The following PICALM variants were observed in gnomAD, a reference collection of about 807,000 sequenced individuals.
PICALM encodes phosphatidylinositol binding clathrin assembly protein.
In PICALM, 40 loss-of-function variants were observed where a neutral mutation model predicts 80.5. The ratio of observed to expected loss-of-function variants is 0.50; its 90% confidence interval spans 0.39 to 0.65. The LOEUF is 0.65. Among genes scored for constraint, PICALM ranks in the 30% least tolerant of loss-of-function variants. The pLI is 0.00. For missense variants in PICALM, 676 were observed against 778.9 expected, an observed-to-expected ratio of 0.87 and a Z score of 1.57; for synonymous variants, 288 against 260.3, an observed-to-expected ratio of 1.11 and a Z score of -1.02.
chr11:85,980,519 A>G (rs1257434614), intron 17 of PICALM, among the ~76,000 whole-genome samples: 1 of 152,220 alleles, frequency 6.6e-6, no homozygotes, highest in African/African-American at 2.4e-5. Context: ...TGACTTAAGT[A>G]CTTAACTGCC....
At chr11:85,998,415 T>G (rs2136053215) in intron 11 of PICALM, among the ~76,000 whole-genome samples, 1 of 151,772 alleles carries the variant, frequency 6.6e-6, no homozygotes, top group African/African-American at 2.4e-5. Context: ...CCGGCCGACT[T>G]CTATGTGATT....
chr11:86,032,500 T>C (rs933170252), intron 1 of PICALM, among the ~76,000 whole-genome samples: 6 of 151,970 alleles, frequency 3.9e-5, no homozygotes, highest in African/African-American at 1.4e-4. Context: ...GTGGCGGGCA[T>C]GGGTAATCCC....
At chr11:85,976,764 C>T in intron 17 of PICALM, 82 bp from the exon 18 acceptor site, 2 of 800,276 alleles carry the variant, frequency 2.5e-6, no homozygotes, top group Middle Eastern at 4.5e-4. Flanking sequence ...AGCTGTAGTT[C>T]CACTAAAAAG....
intron 1 of PICALM, among the ~76,000 whole-genome samples, chr11:86,036,083 CA>C (rs1189725934): frequency 6.6e-6 from 1 of 150,892 alleles, no homozygotes; most frequent in Non-Finnish European, 1.5e-5. Flanking sequence ...GGAGTAGAAA[CA>C]AAAAGCATAT....
intron 1 of PICALM, among the ~76,000 whole-genome samples, chr11:86,065,899 C>T (rs976118765): frequency 3.3e-5 from 5 of 152,072 alleles, no homozygotes; most frequent in Non-Finnish European, 7.4e-5. Context: ...TGACAGAAAC[C>T]ACCTCCACAC....
intron 19 of PICALM, among the ~76,000 whole-genome samples, chr11:85,963,205 T>C (rs557022767): frequency 6.6e-6 from 1 of 152,334 alleles, no homozygotes; most frequent in East Asian, 1.9e-4. Context: ...AACCAAAAGC[T>C]GTTGCTTTCA....
chr11:86,041,203 ATATT>A (rs1346866950), intron 1 of PICALM, among the ~76,000 whole-genome samples: 2 of 152,200 alleles, frequency 1.3e-5, no homozygotes, highest in African/African-American at 4.8e-5. Context: ...TACACCTTAA[ATATT>A]TATTAAATTA....
intron 3 of PICALM, among the ~76,000 whole-genome samples, chr11:86,025,975 G>C (rs543565954): frequency 1.1e-3 from 170 of 152,252 alleles, no homozygotes; most frequent in South Asian, 5.4e-3. Flanking sequence ...CGATTCTACT[G>C]ATGCAGAGGT....
intron 4 of PICALM, among the ~76,000 whole-genome samples, chr11:86,020,153 T>C (rs535623138): frequency 3.3e-5 from 5 of 152,120 alleles, no homozygotes; most frequent in African/African-American, 9.6e-5. Flanking sequence ...GCAGCAAAAA[T>C]TAAATGCATC....
At chr11:86,043,186 G>A (rs1168955648) in intron 1 of PICALM, among the ~76,000 whole-genome samples, 1 of 152,148 alleles carries the variant, frequency 6.6e-6, no homozygotes, top group Non-Finnish European at 1.5e-5. Context: ...ACTACCAGTA[G>A]CAGCTATTCA....
intron 1 of PICALM, among the ~76,000 whole-genome samples, chr11:86,048,026 G>A (rs1339271172): frequency 6.6e-6 from 1 of 151,982 alleles, no homozygotes; most frequent in African/African-American, 2.4e-5. Context: ...TCCTGAACTC[G>A]GGAGGCAGAG....
At chr11:86,016,840 A>C (rs1187364957) in intron 4 of PICALM, among the ~76,000 whole-genome samples, 1 of 152,116 alleles carries the variant, frequency 6.6e-6, no homozygotes, top group Non-Finnish European at 1.5e-5. Flanking sequence ...TCAGCTCTTA[A>C]CTCCCAAAAT....
At chr11:85,969,577 T>A in intron 19 of PICALM, 1 of 298,696 alleles carries the variant, frequency 3.3e-6, no homozygotes, top group Non-Finnish European at 6.8e-6. Flanking sequence ...ATCTTTTGGT[T>A]TCGGCTAGCA....
At chr11:85,998,687 G>C (rs886756806) in intron 11 of PICALM, among the ~76,000 whole-genome samples, 1 of 152,130 alleles carries the variant, frequency 6.6e-6, no homozygotes, top group Non-Finnish European at 1.5e-5. Context: ...CTAAGGCAGA[G>C]GGAATGCTTG....
intron 1 of PICALM, among the ~76,000 whole-genome samples, chr11:86,054,178 G>A (rs2096235376): frequency 1.3e-5 from 2 of 152,078 alleles, no homozygotes; most frequent in Admixed American, 6.5e-5. Flanking sequence ...AACAACATTC[G>A]GAGGTCCAAT....
chr11:86,049,876 C>A (rs1321190435), intron 1 of PICALM, among the ~76,000 whole-genome samples: 3 of 150,570 alleles, frequency 2.0e-5, no homozygotes, highest in African/African-American at 4.9e-5. Flanking sequence ...CTAGGTAAAA[C>A]TACATATTGG....
chr11:86,011,222 A>T (rs758317962), intron 6 of PICALM, 86 bp from the exon 7 acceptor site: 46 of 631,662 alleles, frequency 7.3e-5, no homozygotes, highest in Middle Eastern at 4.3e-4. Flanking sequence ...ATAGCTCCAA[A>T]TAGGTCTCTA....
chr11:85,982,423 CT>C lies in PICALM; in HGVS notation c.1517-421del, dbSNP rs59672357. ...ACGTTAAGAAATAAGATTTTATAGA[CT>C]TTTTTTTTTTTTTTGAGACGGAGTC... On this transcript the variant is annotated intron_variant, in intron 14 of 19. Coordinates refer to ENST00000393346, the MANE Select transcript of PICALM (RefSeq NM_007166.4). 5.9e-3 allele frequency among the ~76,000 whole-genome samples: 416 copies of C among 70,168 alleles called. 32 individuals carry two copies. Among genetic ancestry groups the C allele is most frequent in the African/African-American group, 0.023 (361 of 15,478 alleles). The allele number at this position is 70,168 out of a possible 152,430, so 46.0% of individuals were successfully genotyped here. A position where few individuals can be genotyped will look rare whatever the true frequency, so the allele number is the denominator to read the frequency against.
At chr11:85,975,962 G>A (rs1411896612) in intron 18 of PICALM, among the ~76,000 whole-genome samples, 2 of 152,060 alleles carry the variant, frequency 1.3e-5, no homozygotes, top group Non-Finnish European at 2.9e-5. Context: ...TGTATAAAAG[G>A]AGTTACTTCC....
Sources: gnomAD v4.1 joint callset for allele counts (sites outside exome capture counted in the v4.1 genomes callset) on GRCh38, gnomAD v4.1.1 for gene constraint, MANE v1.5 for transcripts, NCBI Gene and HGNC (gene_info 2026-07-23, HGNC 2026-07-21) for gene names.